Variants in NLGN1 observed in about 807,000 individuals in gnomAD.
The protein encoded by NLGN1 is neuroligin 1, also known as neuroligin-1.
In NLGN1, 12 loss-of-function variants were observed where a neutral mutation model predicts 65.5. The ratio of observed to expected loss-of-function variants is 0.18; its 90% CI spans 0.12 to 0.30. The LOEUF is 0.30. Ranked by LOEUF, NLGN1 falls within the 10% of genes least tolerant of loss-of-function variation. The probability of loss-of-function intolerance (pLI) is 1.00; values close to 1 mark genes in which losing one functional copy is unlikely to be tolerated. For synonymous variants in NLGN1, 350 were observed against 359.5 expected, an observed-to-expected ratio of 0.97 and a Z score of 0.30; for missense variants, 750 against 1,007.1, an observed-to-expected ratio of 0.74 and a Z score of 3.46.
intron 4 of NLGN1, among the ~76,000 whole-genome samples, chr3:173,845,207 C>G (rs1421016962): frequency 1.3e-5 from 2 of 152,124 alleles, no homozygotes; most frequent in African/African-American, 4.8e-5. Flanking sequence ...TATAGTGGAA[C>G]AAATATGTTT....
intron 2 of NLGN1, among the ~76,000 whole-genome samples, chr3:173,587,518 A>G (rs1747702374): frequency 6.6e-6 from 1 of 152,170 alleles, no homozygotes; most frequent in South Asian, 2.1e-4. Flanking sequence ...TTGTTCTAGG[A>G]ATTATTGAAA....
chr3:174,122,683 A>G (rs1718028138), intron 4 of NLGN1, among the ~76,000 whole-genome samples: 1 of 152,164 alleles, frequency 6.6e-6, no homozygotes, highest in South Asian at 2.1e-4. Flanking sequence ...GCCAAAGCCC[A>G]GAGCTAGACC....
intron 4 of NLGN1, among the ~76,000 whole-genome samples, chr3:173,882,125 G>C (rs116142713): frequency 1.3e-5 from 2 of 152,112 alleles, no homozygotes; most frequent in Non-Finnish European, 2.9e-5. Flanking sequence ...GTAATATTTT[G>C]AAATATCTTT....
At chr3:174,242,227 A>G (rs368124880) in intron 4 of NLGN1, among the ~76,000 whole-genome samples, 10 of 152,038 alleles carry the variant, frequency 6.6e-5, no homozygotes, top group African/African-American at 2.4e-4. Flanking sequence ...TTGGTACACC[A>G]TAAATCAGGG....
At chr3:173,471,746 C>G (rs1725347609) in intron 2 of NLGN1, among the ~76,000 whole-genome samples, 1 of 151,994 alleles carries the variant, frequency 6.6e-6, no homozygotes, top group Middle Eastern at 3.2e-3. Flanking sequence ...TTCACTGTCC[C>G]TCCAATGAAA....
intron 4 of NLGN1, among the ~76,000 whole-genome samples, chr3:174,095,548 T>A (rs1184580200): frequency 2.0e-5 from 3 of 151,592 alleles, no homozygotes; most frequent in Non-Finnish European, 2.9e-5. Context: ...TATATATATA[T>A]AAAACGTGTG....
chr3:173,744,934 G>A (rs780561022), intron 3 of NLGN1, among the ~76,000 whole-genome samples: 9 of 151,736 alleles, frequency 5.9e-5, no homozygotes, highest in South Asian at 2.1e-4. Context: ...CTCTTTGTCC[G>A]CACTGTCAAC....
At chr3:173,770,575 C>A (rs949820384) in intron 3 of NLGN1, among the ~76,000 whole-genome samples, 4 of 152,004 alleles carry the variant, frequency 2.6e-5, no homozygotes, top group Non-Finnish European at 5.9e-5. Flanking sequence ...CAGTGCTGCT[C>A]CTCATGGATT....
intron 4 of NLGN1, among the ~76,000 whole-genome samples, chr3:173,885,865 T>G (rs1734241648): frequency 6.6e-6 from 1 of 152,070 alleles, no homozygotes; most frequent in African/African-American, 2.4e-5. Flanking sequence ...TGGAATATGT[T>G]AAAACCCAGA....
chr3:173,700,496 G>C (rs1159333328), intron 3 of NLGN1, among the ~76,000 whole-genome samples: 1 of 152,188 alleles, frequency 6.6e-6, no homozygotes, highest in East Asian at 1.9e-4. Flanking sequence ...AAGCTGAACA[G>C]TAGTGGTTTA....
At chr3:174,030,412 C>A (rs1324701480) in intron 4 of NLGN1, among the ~76,000 whole-genome samples, 3 of 152,188 alleles carry the variant, frequency 2.0e-5, no homozygotes, top group Non-Finnish European at 4.4e-5. Flanking sequence ...ATGTGAGCCA[C>A]CTCGCCCAGC....
intron 3 of NLGN1, among the ~76,000 whole-genome samples, chr3:173,681,062 T>A (rs754530374): frequency 1.2e-4 from 18 of 152,228 alleles, no homozygotes; most frequent in Non-Finnish European, 2.2e-4. Flanking sequence ...ATAATTTTAT[T>A]TGAAATTTTT....
intron 4 of NLGN1, among the ~76,000 whole-genome samples, chr3:174,193,952 C>A (rs548206450): frequency 6.6e-6 from 1 of 152,120 alleles, no homozygotes; most frequent in African/African-American, 2.4e-5. Flanking sequence ...CACTGCAGAG[C>A]TTAGAATAAA....
intron 4 of NLGN1, among the ~76,000 whole-genome samples, chr3:174,106,134 C>A (rs1713732558): frequency 6.6e-6 from 1 of 152,074 alleles, no homozygotes; most frequent in South Asian, 2.1e-4. Flanking sequence ...TTGATCAAAG[C>A]CTCAATTAGA....
At chr3:173,424,171 C>T (rs555000232) in intron 1 of NLGN1, among the ~76,000 whole-genome samples, 34 of 152,292 alleles carry the variant, frequency 2.2e-4, no homozygotes, top group African/African-American at 7.5e-4. Context: ...ATGCAGGGCA[C>T]TAAGTTCTGA....
At chr3:174,162,519 A>G (rs9844610) in intron 4 of NLGN1, among the ~76,000 whole-genome samples, 42,580 of 151,792 alleles carry the variant, frequency 0.28, 7,594 homozygotes, top group African/African-American at 0.51. Context: ...TTTTAAGAGC[A>G]ACTGCTATCA....
intron 3 of NLGN1, among the ~76,000 whole-genome samples, chr3:173,707,085 C>T (rs16829872): frequency 0.017 from 2,616 of 152,262 alleles, 83 homozygotes; most frequent in African/African-American, 0.059. Flanking sequence ...TTGACTTAGG[C>T]GTATGTCAGC....
chr3:174,148,864 C>A (rs1436864430), intron 4 of NLGN1, among the ~76,000 whole-genome samples: 1 of 152,166 alleles, frequency 6.6e-6, no homozygotes, highest in East Asian at 1.9e-4. Flanking sequence ...CACATTTCCA[C>A]AATTATATTA....
chr3:173,904,442 G>A (rs143698377), intron 4 of NLGN1, among the ~76,000 whole-genome samples: 1,798 of 150,738 alleles, frequency 0.012, 50 homozygotes, highest in African/African-American at 0.042. Context: ...TTTCTATTTT[G>A]CTTAATTTTT....
Sources: gnomAD v4.1 joint callset for allele counts (sites outside exome capture counted in the v4.1 genomes callset) on GRCh38, gnomAD v4.1.1 for gene constraint, MANE v1.5 for transcripts, NCBI Gene and HGNC (gene_info 2026-07-23, HGNC 2026-07-21) for gene names.